Variants in UBE2N observed in about 807,000 individuals in gnomAD.
The protein encoded by UBE2N is ubiquitin conjugating enzyme E2 N.
For synonymous variants in UBE2N, 70 were observed against 69.2 expected (o/e 1.01, Z -0.06); for missense variants, 60 against 192.1 (o/e 0.31, Z 4.07).
At chr12:93,411,363 A>G (rs1878025042) in intron 1 of UBE2N, 64 bp from the exon 2 acceptor site, 1 of 1,534,524 alleles carries the variant, frequency 6.5e-7, no homozygotes, top group Non-Finnish European at 8.7e-7. Context: ...CAAAAGTAAA[A>G]TTAGAAAGTT....
chr12:93,427,094 A>C lies in UBE2N; in HGVS notation c.30+14761T>G, dbSNP rs183256319. On this transcript the variant is annotated intron_variant, in intron 1 of 3. Coordinates refer to ENST00000318066, the MANE Select transcript of UBE2N (RefSeq NM_003348.4). ...GCCACCACACCCAGCTAATTTTTGT[A>C]TTTTTAGTAGAGACAGGGTTTCACC... Among the ~76,000 whole-genome samples, 127 of 151,754 alleles carry C rather than the reference A, an allele frequency of 8.4e-4. 1 individual carries two copies. Among genetic ancestry groups the C allele is most frequent in the Non-Finnish European group, 1.3e-3 (86 of 67,914 alleles).
chr12:93,411,445 C>A, intron 1 of UBE2N, 146 bp from the exon 2 acceptor site: 1 of 1,071,472 alleles, frequency 9.3e-7, no homozygotes, highest in Non-Finnish European at 1.3e-6. Flanking sequence ...ATGCAAAATT[C>A]AAAAAAATAC....
Position 93,407,553 on chromosome 12 carries a change from CT to C in UBE2N, c.*2485del, listed in dbSNP as rs1877885975. 6.6e-6 allele frequency: 1 copy of C among 152,224 alleles called. No individual in the cohort carries two copies. The highest frequency in any genetic ancestry group is 2.4e-5 in the African/African-American group (1 of 41,452). 9.4% of individuals were successfully genotyped at this position (152,224 alleles called of 1,614,324 possible). A position where few individuals can be genotyped will look rare whatever the true frequency, so the allele number is the denominator to read the frequency against. On this transcript the variant is annotated 3_prime_UTR_variant, in exon 4 of 4. Transcript: ENST00000318066. ...ACTGGTGAGAAGACAATGACATGCT[CT>C]TAGGGTGTCTGCTACTCAGATCCTC...
rs988743387 is a variant in UBE2N, at chr12:93,408,325, CATTT to C, written c.*1710_*1713del. ...AGCTAACATTTGTTACCAAGCAATG[CATTT>C]ATTTGGAAGGATACCAGTTACCAGT... is the stretch of plus-strand genomic sequence containing the variant. On this transcript the variant is annotated 3_prime_UTR_variant, in exon 4 of 4. Coordinates refer to ENST00000318066, the MANE Select transcript of UBE2N (RefSeq NM_003348.4). The C allele has an allele frequency of 2.0e-5, 3 of 152,166 alleles. No homozygotes were observed. The highest frequency in any genetic ancestry group is 7.2e-5 in the African/African-American group (3 of 41,442). The allele number at this position is 152,166 out of a possible 1,614,324, so 9.4% of individuals were successfully genotyped here.
intron 1 of UBE2N, among the ~76,000 whole-genome samples, chr12:93,441,548 G>A (rs908208044): frequency 1.4e-4 from 22 of 151,944 alleles, no homozygotes; most frequent in African/African-American, 3.9e-4. Flanking sequence ...CCGCGCCCAA[G>A]CCCAGAGACC....
chr12:93,432,155 C>G (rs551359262), intron 1 of UBE2N, among the ~76,000 whole-genome samples: 1 of 152,232 alleles, frequency 6.6e-6, no homozygotes, highest in South Asian at 2.1e-4. Context: ...TTGCTTGAAC[C>G]CGGGAGGCAG....
At position 93,410,917 on chromosome 12, in the gene UBE2N, C is replaced by T. The variant is rs1878014980; in HGVS notation, c.278-43G>A. 3 of 1,614,126 alleles carry T rather than the reference C, an allele frequency of 1.9e-6. No homozygotes were observed. In the South Asian group the frequency reaches 3.3e-5, roughly 18 times the overall value. ...CCAGTATGATAAAGCATGAAAAAAA[C>T]AGGCCCAGAACTGCTTCACTTCCCT... is the stretch of plus-strand genomic sequence containing the variant. On this transcript the variant is annotated intron_variant, in intron 2 of 3. Coordinates refer to ENST00000318066, the MANE Select transcript of UBE2N (RefSeq NM_003348.4).
In UBE2N at chr12:93,409,795, G is replaced by A; in HGVS notation, c.*244C>T. ...GGGGAAATGAATAAAAGCAGGGAGG[G>A]GCCACTGCTTTTAAACGTTTCACAA... is the stretch of plus-strand genomic sequence containing the variant. On this transcript the variant is annotated 3_prime_UTR_variant, in exon 4 of 4. Transcript: ENST00000318066. 2.1e-6 allele frequency: 1 copy of A among 479,732 alleles called. No individual in the cohort carries two copies. The allele number at this position is 479,732 out of a possible 1,614,324, so 29.7% of individuals were successfully genotyped here.
In UBE2N at chr12:93,409,361, A is replaced by G. The variant is rs1877964602; in HGVS notation, c.*678T>C. On this transcript the variant is annotated 3_prime_UTR_variant, in exon 4 of 4. Coordinates refer to ENST00000318066, the MANE Select transcript of UBE2N (RefSeq NM_003348.4). ...ATAAACTGTACAAAGGCAAAGTAGA[A>G]TAACAAAAAATATTTTACTAAAACA... 1 of 164,462 alleles carries G rather than the reference A, an allele frequency of 6.1e-6. No individual in the cohort carries two copies. The highest frequency in any genetic ancestry group is 2.4e-5 in the African/African-American group (1 of 41,482). 10.2% of individuals were successfully genotyped at this position (164,462 alleles called of 1,614,324 possible).
chr12:93,441,908 T>A lies in UBE2N; in HGVS notation c.-24A>T. The A allele has an allele frequency of 6.4e-7, 1 of 1,569,050 alleles. No individual in the cohort carries two copies. Among genetic ancestry groups the A allele is most frequent in the Non-Finnish European group, 8.6e-7 (1 of 1,160,252 alleles). ...ATCTTGTCAGAACCCGAGTTCGGCC[T>A]CTGGTCTCGTCTCCGGCTCCTCTCG... On this transcript the variant is annotated 5_prime_UTR_variant, in exon 1 of 4. Coordinates refer to ENST00000318066, the MANE Select transcript of UBE2N (RefSeq NM_003348.4).
rs1188122816 is a variant in UBE2N, at chr12:93,439,856, C to A, written c.30+1999G>T. ...TTAGATAGATGTTGTCAACAAGATACCGTAAAATTAAGATTATATATCACA... is the reference window on the plus strand; with the variant it reads ...TTAGATAGATGTTGTCAACAAGATAACGTAAAATTAAGATTATATATCACA... On this transcript the variant is annotated intron_variant, in intron 1 of 3. Transcript: ENST00000318066. Among the ~76,000 whole-genome samples the A allele has an allele frequency of 2.7e-5, 4 of 146,952 alleles. No individual in the cohort carries two copies. In the South Asian group the frequency reaches 6.7e-4, roughly 24 times the overall value.
In UBE2N at chr12:93,426,862, A is replaced by G. The variant is rs1461529621; in HGVS notation, c.30+14993T>C. ...GTGCTGTCTCCCCTCTCATGGGTGC[A>G]TCAGCAGATTTTTTTTTTTTTAAGC... is the stretch of plus-strand genomic sequence containing the variant. On this transcript the variant is annotated intron_variant, in intron 1 of 3. Coordinates refer to ENST00000318066, the MANE Select transcript of UBE2N (RefSeq NM_003348.4). 2.0e-5 allele frequency among the ~76,000 whole-genome samples: 3 copies of G among 151,520 alleles called. No homozygotes were observed. The East Asian group carries it at 5.8e-4, about 29-fold the overall frequency.
chr12:93,430,946 C>T (rs896417769), intron 1 of UBE2N, among the ~76,000 whole-genome samples: 2 of 149,790 alleles, frequency 1.3e-5, no homozygotes, highest in African/African-American at 4.9e-5. Flanking sequence ...AAAAAAAACA[C>T]AGCCAAGCGC....
At chr12:93,410,171 T>C (rs2121053340) in intron 3 of UBE2N, 92 bp from the exon 4 acceptor site, 2 of 1,252,702 alleles carry the variant, frequency 1.6e-6, no homozygotes, top group Non-Finnish European at 2.3e-6. Context: ...CTATTAATTA[T>C]GGAAATGTCA....
At chr12:93,410,937 T>C in intron 2 of UBE2N, 63 bp from the exon 3 acceptor site, 1 of 1,613,898 alleles carries the variant, frequency 6.2e-7, no homozygotes, top group South Asian at 1.1e-5. Context: ...ACTGCTTCAC[T>C]TCCCTCCCAC....
At chr12:93,428,775 C>T (rs1878665238) in intron 1 of UBE2N, among the ~76,000 whole-genome samples, 1 of 152,154 alleles carries the variant, frequency 6.6e-6, no homozygotes, top group African/African-American at 2.4e-5. Flanking sequence ...GAGAAAATAG[C>T]CCATAGATTC....
chr12:93,432,372 G>A (rs1878795873), intron 1 of UBE2N, among the ~76,000 whole-genome samples: 1 of 151,908 alleles, frequency 6.6e-6, no homozygotes, highest in Non-Finnish European at 1.5e-5. Context: ...CAAATCACAA[G>A]GTTACAGAAA....
At chr12:93,430,701 C>T (rs1878735819) in intron 1 of UBE2N, among the ~76,000 whole-genome samples, 1 of 150,500 alleles carries the variant, frequency 6.6e-6, no homozygotes, top group Non-Finnish European at 1.5e-5. Context: ...TCACTTGAGC[C>T]CAGGAGTTCA....
Position 93,406,425 on chromosome 12 carries a change from C to T in UBE2N, c.*3614G>A, listed in dbSNP as rs1428469202. ...TTTAGGACAGATTTCCTTCCCCATT[C>T]TCCATCAAACAACCATAGCACCTGT... On this transcript the variant is annotated 3_prime_UTR_variant, in exon 4 of 4. Coordinates refer to ENST00000318066, the MANE Select transcript of UBE2N (RefSeq NM_003348.4). 1.3e-5 allele frequency: 2 copies of T among 151,830 alleles called. No individual in the cohort carries two copies. The highest frequency in any genetic ancestry group is 1.9e-4 in the East Asian group (1 of 5,166). The allele number at this position is 151,830 out of a possible 1,614,324, so 9.4% of individuals were successfully genotyped here. A position where few individuals can be genotyped will look rare whatever the true frequency, so the allele number is the denominator to read the frequency against.
Sources: gnomAD v4.1 joint callset for allele counts (sites outside exome capture counted in the v4.1 genomes callset) on GRCh38, gnomAD v4.1.1 for gene constraint, MANE v1.5 for transcripts, NCBI Gene and HGNC (gene_info 2026-07-23, HGNC 2026-07-21) for gene names.